The following GPR52 variants were observed in gnomAD, a reference collection of about 807,000 sequenced individuals.
GPR52 encodes the protein G protein-coupled receptor 52.
Under a neutral mutation model 24.0 loss-of-function variants are expected in GPR52, and 8 were observed. The ratio of observed to expected loss-of-function variants is 0.33; its 90% CI spans 0.20 to 0.60. GPR52 has a LOEUF of 0.60. Among genes scored for constraint, GPR52 ranks in the 20% least tolerant of loss-of-function variants. The probability of loss-of-function intolerance (pLI) is 0.82; values close to 1 mark genes in which losing one functional copy is unlikely to be tolerated. For synonymous variants in GPR52, 144 were observed against 158.1 expected (o/e 0.91, Z 0.67); for missense variants, 412 against 447.7 (o/e 0.92, Z 0.72).
rs935464565 is a variant in GPR52 at position 174,448,994 on chromosome 1, A to C, written c.883A>C (p.Asn295His). The change falls in exon 1 of 1, where the codon AAT becomes CAT. Residue 295 changes from asparagine (N) to histidine (H), a missense_variant. By Grantham distance (68) the Asn-to-His change is moderately conservative. Coordinates refer to ENST00000367685, the MANE Select transcript of GPR52 (RefSeq NM_005684.5). This position sits in a 1 kb window ranked among gnomAD's most constrained non-coding sequence, Gnocchi z 4.2. ...FLLESSRVLD[N>H]PTLSFLTTWL... ...TCTAGAAAGCTCCCGGGTCTTGGAC[A>C]ATCCAACTCTGTCCTTCTTAACAAC... 2 of 1,613,650 alleles carry C rather than the reference A, an allele frequency of 1.2e-6. No homozygotes were observed. Among genetic ancestry groups the C allele is most frequent in the African/African-American group, 2.7e-5 (2 of 75,018 alleles).
chr1:174,449,221 TG>T lies in GPR52; in HGVS notation c.*25del. 6.5e-7 allele frequency: 1 copy of T among 1,527,564 alleles called. No individual in the cohort carries two copies. The highest frequency in any genetic ancestry group is 1.3e-5 in the South Asian group (1 of 75,742). The allele number at this position is 1,527,564 out of a possible 1,614,324, so 94.6% of individuals were successfully genotyped here. On this transcript the variant is annotated 3_prime_UTR_variant, in exon 1 of 1. Transcript: ENST00000367685. The stretch of plus-strand genomic sequence containing the variant: ...GAAGAGAGCTACATAGTAAATCAAA[TG>T]TAATCTGACAGTGGTTTTGGATCAT...
At position 174,448,472 on chromosome 1, in the gene GPR52, A is replaced by C. The variant is rs1378021908; in HGVS notation, c.361A>C (p.Ile121Leu). Reference protein sequence around the residue: ...SLTCQVFGYIISVLKSVSMAC... With the variant: ...SLTCQVFGYILSVLKSVSMAC... ...GACTTGCCAGGTTTTTGGATATATC[A>C]TCTCAGTTCTAAAAAGTGTTTCTAT... is the stretch of plus-strand genomic sequence containing the variant. The change falls in exon 1 of 1, where the codon ATC (isoleucine) becomes CTC (leucine). Residue 121 changes from isoleucine (I) to leucine (L), a missense_variant. By Grantham distance (5) the Ile-to-Leu change is conservative. Transcript: ENST00000367685. This position sits in a 1 kb window ranked among gnomAD's most constrained non-coding sequence, Gnocchi z 4.2. 1 of 1,613,896 alleles carries C rather than the reference A, an allele frequency of 6.2e-7. No individual in the cohort carries two copies. Among genetic ancestry groups the C allele is most frequent in the East Asian group, 2.2e-5 (1 of 44,878 alleles).
rs370772487 is a variant in GPR52 at position 174,449,515 on chromosome 1, C to CT, written c.*319dup. On this transcript the variant is annotated 3_prime_UTR_variant, in exon 1 of 1. Transcript: ENST00000367685. ...GAGCAAGCCCCTTGGCTCAGCATTTCTGTCTTTCTGTCTGACTGTACCCTG... is the reference window on the plus strand; with the variant it reads ...GAGCAAGCCCCTTGGCTCAGCATTTCTTGTCTTTCTGTCTGACTGTACCCTG... Among the ~76,000 whole-genome samples, 458 of 152,310 alleles carry CT rather than the reference C, an allele frequency of 3.0e-3. 2 individuals carry two copies. The highest frequency in any genetic ancestry group is 4.7e-3 in the Non-Finnish European group (323 of 68,014).
Position 174,448,155 on chromosome 1 carries a change from G to A in GPR52, c.44G>A (p.Ser15Asn), listed in dbSNP as rs781244294. The A allele has an allele frequency of 1.2e-6, 2 of 1,613,258 alleles. No homozygotes were observed. The highest frequency in any genetic ancestry group is 1.1e-5 in the South Asian group (1 of 91,030). ...RWTEWRILNM[S>N]SGIVNVSERH... is the part of the protein sequence containing the mutation. ...ACTGAATGGAGGATCCTGAACATGAGCAGTGGCATTGTGAATGTGTCCGAG... is the reference window on the plus strand; with the variant it reads ...ACTGAATGGAGGATCCTGAACATGAACAGTGGCATTGTGAATGTGTCCGAG... Residue 15 changes from serine (S) to asparagine (N), a missense_variant, in exon 1 of 1, where the codon AGC (serine) becomes AAC (asparagine). By Grantham distance (46) the Ser-to-Asn change is conservative. Transcript: ENST00000367685. This position sits in a 1 kb window ranked among gnomAD's most constrained non-coding sequence, Gnocchi z 4.2.
In GPR52 at chr1:174,448,787, A is replaced by G. The variant is rs1175145791; in HGVS notation, c.676A>G (p.Ile226Val). ...TGTTGTCTGCTTCACTTACTTCCAC[A>G]TTTTCAAAATTTGCCGTCAGCACAC... ...AFVVCFTYFH[I>V]FKICRQHTKE... The change falls in exon 1 of 1, where the codon ATT becomes GTT. Residue 226 changes from isoleucine (I) to valine (V), a missense_variant. Ile to Val is a conservative substitution (Grantham distance 29). Coordinates refer to ENST00000367685, the MANE Select transcript of GPR52 (RefSeq NM_005684.5). This position sits in a 1 kb window ranked among gnomAD's most constrained non-coding sequence, Gnocchi z 4.2. 1.2e-6 allele frequency: 2 copies of G among 1,613,758 alleles called. No individual in the cohort carries two copies. Among genetic ancestry groups the G allele is most frequent in the East Asian group, 2.2e-5 (1 of 44,866 alleles).
chr1:174,448,218 T>C lies in GPR52; in HGVS notation c.107T>C (p.Val36Ala). Reference protein sequence around the residue: ...SCPLGFGHYSVVDVCIFETVV... With the variant: ...SCPLGFGHYSAVDVCIFETVV... ...CCACTTGGATTTGGCCACTACAGTG[T>C]GGTGGATGTCTGCATCTTCGAGACA... The change falls in exon 1 of 1, where the codon GTG becomes GCG. Residue 36 changes from valine (V) to alanine (A), a missense_variant. By Grantham distance (64) the Val-to-Ala change is moderately conservative (BLOSUM62 0). Transcript: ENST00000367685. The surrounding 1 kb of genome is among the most constrained non-coding windows in gnomAD (Gnocchi z 4.2). 6.2e-7 allele frequency: 1 copy of C among 1,614,082 alleles called. No homozygotes were observed. Among genetic ancestry groups the C allele is most frequent in the Non-Finnish European group, 8.5e-7 (1 of 1,179,976 alleles).
Position 174,448,800 on chromosome 1 carries a change from G to A in GPR52, c.689G>A (p.Cys230Tyr). The A allele has an allele frequency of 6.2e-7, 1 of 1,613,946 alleles. No individual in the cohort carries two copies. Among genetic ancestry groups the A allele is most frequent in the Non-Finnish European group, 8.5e-7 (1 of 1,179,954 alleles). Reference sequence around the variant, plus strand: ...ACTTACTTCCACATTTTCAAAATTTGCCGTCAGCACACCAAAGAGATAAAT... The same window carrying A: ...ACTTACTTCCACATTTTCAAAATTTACCGTCAGCACACCAAAGAGATAAAT... ...CFTYFHIFKI[C>Y]RQHTKEINDR... is the part of the protein sequence containing the mutation. Residue 230 changes from cysteine (C) to tyrosine (Y), a missense_variant, in exon 1 of 1, where the codon TGC becomes TAC. Transcript: ENST00000367685. This position sits in a 1 kb window ranked among gnomAD's most constrained non-coding sequence, Gnocchi z 4.2.
Position 174,449,227 on chromosome 1 carries a change from C to T in GPR52, c.*30C>T, listed in dbSNP as rs1655153040. 1 of 1,517,604 alleles carries T rather than the reference C, an allele frequency of 6.6e-7. No individual in the cohort carries two copies. The highest frequency in any genetic ancestry group is 1.3e-5 in the South Asian group (1 of 74,554). The allele number at this position is 1,517,604 out of a possible 1,614,324, so 94.0% of individuals were successfully genotyped here. A position where few individuals can be genotyped will look rare whatever the true frequency, so the allele number is the denominator to read the frequency against. ...AGCTACATAGTAAATCAAATGTAAT[C>T]TGACAGTGGTTTTGGATCATATTCT... On this transcript the variant is annotated 3_prime_UTR_variant, in exon 1 of 1. Transcript: ENST00000367685.
At position 174,449,496 on chromosome 1, in the gene GPR52, G is replaced by A. The variant is rs1655187380; in HGVS notation, c.*299G>A. 6.6e-6 allele frequency among the ~76,000 whole-genome samples: 1 copy of A among 152,150 alleles called. No individual in the cohort carries two copies. The highest frequency in any genetic ancestry group is 2.1e-4 in the South Asian group (1 of 4,824). Reference sequence around the variant, plus strand: ...CAAATCTTCTGCAGGACATGAGCAAGCCCCTTGGCTCAGCATTTCTGTCTT... The same window carrying A: ...CAAATCTTCTGCAGGACATGAGCAAACCCCTTGGCTCAGCATTTCTGTCTT... On this transcript the variant is annotated 3_prime_UTR_variant, in exon 1 of 1. Transcript: ENST00000367685.
At position 174,448,327 on chromosome 1, in the gene GPR52, T is replaced by A. The variant is rs530844448; in HGVS notation, c.216T>A (p.His72Gln). 4 of 1,613,788 alleles carry A rather than the reference T, an allele frequency of 2.5e-6. No homozygotes were observed. The South Asian group carries it at 4.4e-5, about 18-fold the overall frequency. ...TCTTTCATTGTGCTCCACTGTTACATCATTATACTACCAGCTATTTCATTC... is the reference window on the plus strand; with the variant it reads ...TCTTTCATTGTGCTCCACTGTTACAACATTATACTACCAGCTATTTCATTC... ...IFVFHCAPLL[H>Q]HYTTSYFIQT... The change falls in exon 1 of 1, where the codon CAT (histidine) becomes CAA (glutamine). Residue 72 changes from histidine (H) to glutamine (Q), a missense_variant. By Grantham distance (24) the His-to-Gln change is conservative (BLOSUM62 0). Coordinates refer to ENST00000367685, the MANE Select transcript of GPR52 (RefSeq NM_005684.5). The surrounding 1 kb of genome is among the most constrained non-coding windows in gnomAD (Gnocchi z 4.2).
chr1:174,448,999 A>G lies in GPR52; in HGVS notation c.888A>G (p.Pro296=), dbSNP rs200217433. Residue 296 remains proline (P), a synonymous_variant, in exon 1 of 1, where the codon CCA becomes CCG. Transcript: ENST00000367685. The surrounding 1 kb of genome is among the most constrained non-coding windows in gnomAD (Gnocchi z 4.2). ...AAAGCTCCCGGGTCTTGGACAATCC[A>G]ACTCTGTCCTTCTTAACAACCTGGC... ...LLESSRVLDN[P]TLSFLTTWLA... The G allele has an allele frequency of 6.2e-7, 1 of 1,613,450 alleles. No individual in the cohort carries two copies. Among genetic ancestry groups the G allele is most frequent in the East Asian group, 2.2e-5 (1 of 44,886 alleles).
chr1:174,449,123 T>C lies in GPR52; in HGVS notation c.1012T>C (p.Ser338Pro), dbSNP rs1051949102. The C allele has an allele frequency of 1.2e-6, 2 of 1,612,888 alleles. No homozygotes were observed. Among genetic ancestry groups the C allele is most frequent in the Admixed American group, 1.7e-5 (1 of 59,972 alleles). The change falls in exon 1 of 1, where the codon TCC becomes CCC. Residue 338 changes from serine to proline, a missense_variant. Transcript: ENST00000367685. ...AAGACTGTCTGAGACAATGTGCACA[T>C]CCTGTATGTGTGTGAAGGATCAGGA... ...LRRLSETMCTSCMCVKDQEAQ... is the reference protein window; with the variant it reads ...LRRLSETMCTPCMCVKDQEAQ...
rs778435058 is a variant in GPR52 at position 174,448,639 on chromosome 1, C to G, written c.528C>G (p.Ser176=). The G allele has an allele frequency of 6.2e-7, 1 of 1,613,788 alleles. No individual in the cohort carries two copies. The highest frequency in any genetic ancestry group is 1.1e-5 in the South Asian group (1 of 91,066). Residue 176 remains serine, a synonymous_variant, in exon 1 of 1, where the codon TCC becomes TCG. Coordinates refer to ENST00000367685, the MANE Select transcript of GPR52 (RefSeq NM_005684.5). The surrounding 1 kb of genome is among the most constrained non-coding windows in gnomAD (Gnocchi z 4.2). ...ACTCCTGCCTAATTTTCTTGCCTTC[C>G]TTTTTTGGCTGGGGGAAACCTGGTT... The part of the protein sequence containing the change: ...WIYSCLIFLP[S]FFGWGKPGYH...
At position 174,449,300 on chromosome 1, in the gene GPR52, T is replaced by A; in HGVS notation, c.*103T>A. 3 of 1,007,676 alleles carry A rather than the reference T, an allele frequency of 3.0e-6. No homozygotes were observed. Among genetic ancestry groups the A allele is most frequent in the Non-Finnish European group, 4.4e-6 (3 of 678,248 alleles). The allele number at this position is 1,007,676 out of a possible 1,614,324, so 62.4% of individuals were successfully genotyped here. A position where few individuals can be genotyped will look rare whatever the true frequency, so the allele number is the denominator to read the frequency against. ...TCAGAGAAATATTTACTTGAATAGTTGACTGTAAAATGAAGTATGAGACTA... is the reference window on the plus strand; with the variant it reads ...TCAGAGAAATATTTACTTGAATAGTAGACTGTAAAATGAAGTATGAGACTA... On this transcript the variant is annotated 3_prime_UTR_variant, in exon 1 of 1. Coordinates refer to ENST00000367685, the MANE Select transcript of GPR52 (RefSeq NM_005684.5).
rs1655045396 is a variant in GPR52, at chr1:174,448,489, T to C, written c.378T>C (p.Ser126=). Residue 126 remains serine, a synonymous_variant, in exon 1 of 1, where the codon AGT becomes AGC. Transcript: ENST00000367685. The surrounding 1 kb of genome is among the most constrained non-coding windows in gnomAD (Gnocchi z 4.2). ...VFGYIISVLK[S]VSMACLACIS... is the part of the protein sequence containing the mutation. ...GATATATCATCTCAGTTCTAAAAAG[T>C]GTTTCTATGGCATGTCTTGCTTGCA... 1.9e-6 allele frequency: 3 copies of C among 1,613,752 alleles called. No homozygotes were observed. The East Asian group carries it at 6.7e-5, about 36-fold the overall frequency.
At position 174,448,356 on chromosome 1, in the gene GPR52, C is replaced by T. The variant is rs772421714; in HGVS notation, c.245C>T (p.Thr82Met). The T allele has an allele frequency of 1.4e-5, 22 of 1,613,724 alleles. No individual in the cohort carries two copies. The highest frequency in any genetic ancestry group is 2.7e-5 in the African/African-American group (2 of 74,904). ...HHYTTSYFIQ[T>M]MAYADLFVGV... The stretch of plus-strand genomic sequence containing the variant: ...TATACTACCAGCTATTTCATTCAGA[C>T]GATGGCATATGCTGATCTTTTCGTT... The change falls in exon 1 of 1, where the codon ACG (threonine) becomes ATG (methionine). Residue 82 changes from threonine (T) to methionine (M), a missense_variant. Physicochemically the swap from Thr to Met is moderately conservative, Grantham distance 81. Transcript: ENST00000367685. The surrounding 1 kb of genome is among the most constrained non-coding windows in gnomAD (Gnocchi z 4.2).
At position 174,448,573 on chromosome 1, in the gene GPR52, C is replaced by G; in HGVS notation, c.462C>G (p.Thr154=). 1.9e-6 allele frequency: 3 copies of G among 1,613,766 alleles called. No homozygotes were observed. Among genetic ancestry groups the G allele is most frequent in the Non-Finnish European group, 2.5e-6 (3 of 1,179,734 alleles). Residue 154 remains threonine, a synonymous_variant, in exon 1 of 1, where the codon ACC becomes ACG. Transcript: ENST00000367685. This position sits in a 1 kb window ranked among gnomAD's most constrained non-coding sequence, Gnocchi z 4.2. ...CTCTTTCCTACAATCAACTGGTCACCCCTTGTCGCTTGAGAATTTGCATTA... is the reference window on the plus strand; with the variant it reads ...CTCTTTCCTACAATCAACTGGTCACGCCTTGTCGCTTGAGAATTTGCATTA... ...TKPLSYNQLV[T]PCRLRICIIL... is the part of the protein sequence containing the mutation.
rs1463557251 is a variant in GPR52 at position 174,449,484 on chromosome 1, G to A, written c.*287G>A. Among the ~76,000 whole-genome samples, 2 of 152,180 alleles carry A rather than the reference G, an allele frequency of 1.3e-5. No individual in the cohort carries two copies. Among genetic ancestry groups the A allele is most frequent in the African/African-American group, 4.8e-5 (2 of 41,452 alleles). On this transcript the variant is annotated 3_prime_UTR_variant, in exon 1 of 1. Transcript: ENST00000367685. ...AAAAGAATATCTCAAATCTTCTGCA[G>A]GACATGAGCAAGCCCCTTGGCTCAG...
chr1:174,448,612 C>T lies in GPR52; in HGVS notation c.501C>T (p.Ile167=), dbSNP rs144638321. The T allele has an allele frequency of 1.9e-6, 3 of 1,613,750 alleles. No individual in the cohort carries two copies. Among genetic ancestry groups the T allele is most frequent in the Non-Finnish European group, 2.5e-6 (3 of 1,179,780 alleles). ...RLRICIILIW[I]YSCLIFLPSF... Reference sequence around the variant, plus strand: ...GAATTTGCATTATTTTGATCTGGATCTACTCCTGCCTAATTTTCTTGCCTT... The same window carrying T: ...GAATTTGCATTATTTTGATCTGGATTTACTCCTGCCTAATTTTCTTGCCTT... The change falls in exon 1 of 1, where the codon ATC becomes ATT. Residue 167 remains isoleucine (I), a synonymous_variant. Transcript: ENST00000367685. The surrounding 1 kb of genome is among the most constrained non-coding windows in gnomAD (Gnocchi z 4.2).
Sources: allele counts gnomAD v4.1 joint callset (sites outside exome capture counted in the v4.1 genomes callset), GRCh38; gene constraint gnomAD v4.1.1; non-coding constraint Gnocchi (gnomAD v3.1); transcripts MANE v1.5; gene names NCBI Gene and HGNC (gene_info 2026-07-23, HGNC 2026-07-21).